Variants in PCDH7 observed in about 807,000 individuals in gnomAD.
PCDH7 encodes the protein protocadherin 7, also known as protocadherin-7.
A neutral mutation model predicts 58.9 loss-of-function variants in PCDH7; 17 were observed. That is an observed-to-expected ratio of 0.29 (90% CI 0.20 to 0.43). PCDH7 has a LOEUF of 0.43. Among genes scored for constraint, PCDH7 ranks in the 20% least tolerant of loss-of-function variants. PCDH7 has a pLI of 1.00. For synonymous variants in PCDH7, 664 were observed against 616.4 expected (o/e 1.08, Z -1.14); for missense variants, 1,274 against 1,441.0 (o/e 0.88, Z 1.88).
At chr4:30,959,892 T>C (rs1748217703) in intron 3 of PCDH7, among the ~76,000 whole-genome samples, 1 of 151,990 alleles carries the variant, frequency 6.6e-6, no homozygotes, top group Non-Finnish European at 1.5e-5. Context: ...TGAAAGAGGA[T>C]ATATACTTAA....
intron 3 of PCDH7, among the ~76,000 whole-genome samples, chr4:30,977,626 T>C (rs909376409): frequency 6.6e-6 from 1 of 152,172 alleles, no homozygotes; most frequent in African/African-American, 2.4e-5. Flanking sequence ...AGTGCACATT[T>C]TCATGCACTA....
At chr4:30,769,050 G>A (rs1415800224) in intron 1 of PCDH7, among the ~76,000 whole-genome samples, 1 of 152,176 alleles carries the variant, frequency 6.6e-6, no homozygotes, top group Non-Finnish European at 1.5e-5. Flanking sequence ...TGAGGAACAT[G>A]GATCAGGGTC....
intron 3 of PCDH7, among the ~76,000 whole-genome samples, chr4:31,031,611 A>G (rs1754922885): frequency 6.6e-6 from 1 of 152,182 alleles, no homozygotes; most frequent in South Asian, 2.1e-4. Flanking sequence ...CCCAATACCA[A>G]CTAATAAAAT....
chr4:30,923,488 A>G (rs1743445966), intron 2 of PCDH7, among the ~76,000 whole-genome samples: 2 of 152,184 alleles, frequency 1.3e-5, no homozygotes, highest in Admixed American at 1.3e-4. Context: ...GCTTTACGCT[A>G]TATTCTAAAA....
At chr4:30,803,367 T>G (rs529771384) in intron 1 of PCDH7, among the ~76,000 whole-genome samples, 1 of 152,172 alleles carries the variant, frequency 6.6e-6, no homozygotes, top group Non-Finnish European at 1.5e-5. Flanking sequence ...AGAATGGTGA[T>G]GATTTATAGA....
chr4:31,119,172 A>G (rs1717350958), intron 3 of PCDH7, among the ~76,000 whole-genome samples: 1 of 152,144 alleles, frequency 6.6e-6, no homozygotes. Context: ...CAACTCACAC[A>G]TTCTCTGTTA....
At chr4:30,986,843 T>C (rs907581220) in intron 3 of PCDH7, among the ~76,000 whole-genome samples, 2 of 151,752 alleles carry the variant, frequency 1.3e-5, no homozygotes, top group Admixed American at 1.3e-4. Context: ...TAGCTGAGTG[T>C]GGTGGTGGGC....
At chr4:31,078,014 T>C (rs1267437681) in intron 3 of PCDH7, among the ~76,000 whole-genome samples, 2 of 152,138 alleles carry the variant, frequency 1.3e-5, no homozygotes, top group East Asian at 1.9e-4. Flanking sequence ...ATGTGAGCCA[T>C]GTGGAGAAAA....
At chr4:30,871,745 T>C (rs1362985292) in intron 1 of PCDH7, among the ~76,000 whole-genome samples, 2 of 151,994 alleles carry the variant, frequency 1.3e-5, no homozygotes, top group Non-Finnish European at 2.9e-5. Flanking sequence ...ATATAGGATT[T>C]CACAGTTCTG....
At chr4:30,879,189 C>T (rs149516552) in intron 1 of PCDH7, among the ~76,000 whole-genome samples, 303 of 152,098 alleles carry the variant, frequency 2.0e-3, no homozygotes, top group African/African-American at 6.8e-3. Flanking sequence ...ATTCCTCCTT[C>T]TCCTGCTTCC....
At chr4:30,948,000 C>T (rs1746913432) in intron 2 of PCDH7, among the ~76,000 whole-genome samples, 1 of 151,886 alleles carries the variant, frequency 6.6e-6, no homozygotes, top group African/African-American at 2.4e-5. Context: ...TTTAAGATTC[C>T]AGCTTCATTT....
At chr4:30,807,792 T>C (rs1327976247) in intron 1 of PCDH7, among the ~76,000 whole-genome samples, 1 of 152,146 alleles carries the variant, frequency 6.6e-6, no homozygotes, top group African/African-American at 2.4e-5. Flanking sequence ...AGGCACACTT[T>C]CAAAATTCTC....
rs1560608314 is a variant in PCDH7 at position 31,056,419 on chromosome 4, AGAAGGAAAGAAAAAGAAAGAAG to A, written c.*8-86050_*8-86029del. The stretch of plus-strand genomic sequence containing the variant: ...AGGAAAGGAAGAAAGAAAGAAGGAA[AGAAGGAAAGAAAAAGAAAGAAG>A]GAAAGAAAGAAAGAAAGAAGAAAGA... On this transcript the variant is annotated intron_variant, in intron 3 of 3. Coordinates refer to the PCDH7 transcript ENST00000509759. 7.7e-3 allele frequency among the ~76,000 whole-genome samples: 1,043 copies of A among 135,128 alleles called. 40 individuals are homozygous for A. The highest frequency in any genetic ancestry group is 0.031 in the African/African-American group (987 of 31,612). The allele number at this position is 135,128 out of a possible 152,430, so 88.6% of individuals were successfully genotyped here.
At chr4:30,851,655 G>A (rs1422531732) in intron 1 of PCDH7, among the ~76,000 whole-genome samples, 1 of 151,894 alleles carries the variant, frequency 6.6e-6, no homozygotes, top group Non-Finnish European at 1.5e-5. Context: ...TTTTGGAAAT[G>A]GCATTAATAG....
intron 3 of PCDH7, among the ~76,000 whole-genome samples, chr4:31,113,532 G>A (rs1372933554): frequency 6.6e-6 from 1 of 152,056 alleles, no homozygotes; most frequent in Admixed American, 6.6e-5. Flanking sequence ...ACATAGAGAA[G>A]CTAAAACTGA....
intron 1 of PCDH7, among the ~76,000 whole-genome samples, chr4:30,792,076 G>A (rs1724193374): frequency 1.3e-5 from 2 of 152,110 alleles, no homozygotes; most frequent in African/African-American, 4.8e-5. Flanking sequence ...TAAGTGATAA[G>A]ATTTCAGTGT....
At chr4:30,951,898 C>G (rs1052540285) in intron 3 of PCDH7, among the ~76,000 whole-genome samples, 8 of 152,022 alleles carry the variant, frequency 5.3e-5, no homozygotes. Context: ...GGCAATGATT[C>G]CACCTTATGT....
chr4:30,740,668 T>A (rs1716945801), intron 1 of PCDH7, among the ~76,000 whole-genome samples: 1 of 152,034 alleles, frequency 6.6e-6, no homozygotes. Context: ...AAAAGATACA[T>A]GTTTTTCTCT....
intron 1 of PCDH7, among the ~76,000 whole-genome samples, chr4:30,866,588 T>G (rs530795162): frequency 6.6e-6 from 1 of 152,176 alleles, no homozygotes; most frequent in East Asian, 1.9e-4. Flanking sequence ...GTTACATTAC[T>G]GTGAAATGAA....
Sources: gnomAD v4.1 joint callset for allele counts (sites outside exome capture counted in the v4.1 genomes callset) on GRCh38, gnomAD v4.1.1 for gene constraint, MANE v1.5 for transcripts, NCBI Gene and HGNC (gene_info 2026-07-23, HGNC 2026-07-21) for gene names.